The following MCF2L2 variants were observed in gnomAD, a reference collection of about 807,000 sequenced individuals.
MCF2L2 encodes probable guanine nucleotide exchange factor MCF2L2.
A neutral mutation model predicts 150.2 loss-of-function variants in MCF2L2; 102 were observed. The observed-to-expected ratio is 0.68, with a 90% confidence interval of 0.58 to 0.80. MCF2L2 has a LOEUF of 0.80. Among genes scored for constraint, MCF2L2 ranks in the 30% least tolerant of loss-of-function variants. MCF2L2 has a pLI of 0.00. For missense variants in MCF2L2, 1,256 were observed against 1,372.8 expected, an observed-to-expected ratio of 0.91 and a Z score of 1.34; for synonymous variants, 465 against 491.3, an observed-to-expected ratio of 0.95 and a Z score of 0.71.
chr3:183,179,708 C>T lies in MCF2L2; in HGVS notation c.3106-16G>A, dbSNP rs760473820. ...GGCCCGCGAGCTGGAAGGGAGGGGACGGGTGCACCCTCAGAGTTATTGCTG... is the reference window on the plus strand; with the variant it reads ...GGCCCGCGAGCTGGAAGGGAGGGGATGGGTGCACCCTCAGAGTTATTGCTG... On this transcript the variant is annotated splice_polypyrimidine_tract_variant and intron_variant, in intron 28 of 29. Transcript: ENST00000328913. This position sits in a 1 kb window ranked among gnomAD's most constrained non-coding sequence, Gnocchi z 4.2. 6 of 1,603,826 alleles carry T rather than the reference C, an allele frequency of 3.7e-6. No individual in the cohort carries two copies. The highest frequency in any genetic ancestry group is 4.5e-5 in the East Asian group (2 of 44,798).
intron 1 of MCF2L2, among the ~76,000 whole-genome samples, chr3:183,425,874 G>A (rs1362873550): frequency 6.6e-6 from 1 of 151,960 alleles, no homozygotes; most frequent in Non-Finnish European, 1.5e-5. Flanking sequence ...AGAATCGCTT[G>A]AACCCGGGAG....
intron 5 of MCF2L2, among the ~76,000 whole-genome samples, chr3:183,326,503 A>C (rs1178357998): frequency 4.7e-5 from 7 of 148,782 alleles, no homozygotes; most frequent in East Asian, 1.9e-4. Flanking sequence ...AAAAAAAAAA[A>C]AAAAAAAAAA....
At chr3:183,351,225 TATATATATATA>T (rs1731118831) in intron 3 of MCF2L2, among the ~76,000 whole-genome samples, 2 of 94,272 alleles carry the variant, frequency 2.1e-5, no homozygotes, top group African/African-American at 1.1e-4. Context: ...TATATATATA[TATATATATATA>T]TTTATTTATT....
intron 3 of MCF2L2, 125 bp from the exon 4 acceptor site, chr3:183,341,755 A>G (rs1334476720): frequency 1.6e-6 from 1 of 625,376 alleles, no homozygotes. Flanking sequence ...CACCCTGCAC[A>G]GCACAACCAA....
chr3:183,203,105 C>T (rs751402628), intron 25 of MCF2L2, among the ~76,000 whole-genome samples: 3 of 151,900 alleles, frequency 2.0e-5, no homozygotes, highest in East Asian at 1.9e-4. Context: ...CCCAGCTACT[C>T]GGGAGGCTGA....
At chr3:183,290,540 TC>T (rs369046935) in intron 13 of MCF2L2, among the ~76,000 whole-genome samples, 82 of 150,672 alleles carry the variant, frequency 5.4e-4, no homozygotes, top group African/African-American at 1.9e-3. Flanking sequence ...TTTCTTTCTT[TC>T]TTTTTTTTTT....
intron 2 of MCF2L2, among the ~76,000 whole-genome samples, chr3:183,389,082 T>C (rs1225635790): frequency 6.6e-6 from 1 of 152,242 alleles, no homozygotes; most frequent in African/African-American, 2.4e-5. Context: ...GGGTTTGGCA[T>C]GTACTTCTAG....
intron 5 of MCF2L2, among the ~76,000 whole-genome samples, chr3:183,337,096 T>C (rs1046553701): frequency 9.9e-5 from 15 of 152,212 alleles, no homozygotes; most frequent in African/African-American, 2.9e-4. Flanking sequence ...GTTGAACGCA[T>C]CAGTACTTCA....
intron 21 of MCF2L2, among the ~76,000 whole-genome samples, chr3:183,218,156 C>G (rs751533693): frequency 6.6e-6 from 1 of 152,182 alleles, no homozygotes; most frequent in African/African-American, 2.4e-5. Flanking sequence ...TGCGGAAGCA[C>G]TGGGTATTTG....
At chr3:183,274,594 G>GTAAACTCCTACCAC (rs1727047216) in intron 15 of MCF2L2, among the ~76,000 whole-genome samples, 1 of 152,226 alleles carries the variant, frequency 6.6e-6, no homozygotes, top group Non-Finnish European at 1.5e-5. Context: ...TTACTTGCAA[G>GTAAACTCCTACCAC]TCGTGGTAGG....
intron 14 of MCF2L2, among the ~76,000 whole-genome samples, chr3:183,278,450 C>T (rs965690004): frequency 3.3e-5 from 5 of 152,074 alleles, no homozygotes; most frequent in Admixed American, 6.6e-5. Flanking sequence ...ATTTTCACCA[C>T]ACTACCAAAA....
chr3:183,179,357 G>A lies in MCF2L2; in HGVS notation c.*23C>T. On this transcript the variant is annotated 3_prime_UTR_variant, in exon 30 of 30. Coordinates refer to ENST00000328913, the MANE Select transcript of MCF2L2 (RefSeq NM_015078.4). The surrounding 1 kb of genome is among the most constrained non-coding windows in gnomAD (Gnocchi z 4.2). ...GGAATGCGGGCGCTCTGGAGCCGAG[G>A]AGCGGGGGCGTCCGCAGGGAGGTCA... 2 of 1,428,218 alleles carry A rather than the reference G, an allele frequency of 1.4e-6. No individual in the cohort carries two copies. Among genetic ancestry groups the A allele is most frequent in the Non-Finnish European group, 9.2e-7 (1 of 1,092,640 alleles). The allele number at this position is 1,428,218 out of a possible 1,614,324, so 88.5% of individuals were successfully genotyped here.
chr3:183,200,307 A>T (rs11923987), intron 25 of MCF2L2, among the ~76,000 whole-genome samples: 93,112 of 151,966 alleles, frequency 0.61, 28,919 homozygotes, highest in African/African-American at 0.69. Flanking sequence ...GACTTTTTAA[A>T]GATTGCCTTT....
At chr3:183,359,696 T>A (rs936130265) in intron 3 of MCF2L2, among the ~76,000 whole-genome samples, 1 of 152,112 alleles carries the variant, frequency 6.6e-6, no homozygotes, top group African/African-American at 2.4e-5. Flanking sequence ...CTCAGTAAAC[T>A]AAGGCACGGG....
chr3:183,246,871 C>T (rs1724280769), intron 15 of MCF2L2, among the ~76,000 whole-genome samples: 1 of 152,028 alleles, frequency 6.6e-6, no homozygotes, highest in African/African-American at 2.4e-5. Context: ...TTTAAAAAAA[C>T]GTAATAGCTA....
intron 27 of MCF2L2, among the ~76,000 whole-genome samples, chr3:183,180,847 A>G (rs892738845): frequency 6.6e-6 from 1 of 152,200 alleles, no homozygotes; most frequent in Non-Finnish European, 1.5e-5. Flanking sequence ...ACAGACAGCA[A>G]TGGTCACTTG....
chr3:183,303,969 A>T (rs1728978505), intron 10 of MCF2L2, among the ~76,000 whole-genome samples: 1 of 151,994 alleles, frequency 6.6e-6, no homozygotes, highest in Non-Finnish European at 1.5e-5. Flanking sequence ...CATACTAATT[A>T]TCCACTTATT....
chr3:183,238,995 C>CAAAAAAAAAAA (rs60736939), intron 15 of MCF2L2, among the ~76,000 whole-genome samples: 1 of 88,900 alleles, frequency 1.1e-5, no homozygotes. Flanking sequence ...ATATCCGTCT[C>CAAAAAAAAAAA]AAAAAAAAAA....
intron 14 of MCF2L2, among the ~76,000 whole-genome samples, chr3:183,288,861 G>C (rs940988244): frequency 5.9e-5 from 9 of 152,092 alleles, no homozygotes; most frequent in African/African-American, 1.2e-4. Flanking sequence ...TAAATAAAAT[G>C]ATTTTTCTTT....
Sources: allele counts gnomAD v4.1 joint callset (sites outside exome capture counted in the v4.1 genomes callset), GRCh38; gene constraint gnomAD v4.1.1; non-coding constraint Gnocchi (gnomAD v3.1); transcripts MANE v1.5; gene names NCBI Gene and HGNC (gene_info 2026-07-23, HGNC 2026-07-21).